The following CNBD1 variants were observed in gnomAD, a reference collection of about 807,000 sequenced individuals.
The protein encoded by CNBD1 is cyclic nucleotide-binding domain-containing protein 1.
CNBD1 carries 71 observed loss-of-function variants against 54.4 expected under a neutral mutation model. The observed-to-expected ratio is 1.30, with a 90% CI of 1.08 to 1.59. CNBD1 has a LOEUF of 1.59. Ranked by LOEUF, CNBD1 falls within the 40% of genes most tolerant of loss-of-function variation. CNBD1 has a pLI of 0.00. For synonymous variants in CNBD1, 182 were observed against 170.7 expected (o/e 1.07, Z -0.51); for missense variants, 659 against 518.0 (o/e 1.27, Z -2.64).
chr8:87,010,171 A>T (rs958466283), intron 4 of CNBD1, among the ~76,000 whole-genome samples: 3 of 152,196 alleles, frequency 2.0e-5, no homozygotes, highest in African/African-American at 7.2e-5. Flanking sequence ...TTTGGGGAAG[A>T]AAACCAGACA....
intron 7 of CNBD1, among the ~76,000 whole-genome samples, chr8:87,285,292 G>T (rs1237396463): frequency 6.6e-6 from 1 of 152,178 alleles, no homozygotes; most frequent in African/African-American, 2.4e-5. Flanking sequence ...GCATGAATAA[G>T]TGATAACAAC....
intron 2 of CNBD1, among the ~76,000 whole-genome samples, chr8:87,409,847 A>G (rs1224984437): frequency 6.6e-6 from 1 of 151,872 alleles, no homozygotes; most frequent in Non-Finnish European, 1.5e-5. Flanking sequence ...ACACAGTGAA[A>G]CCCCATCTCT....
intron 6 of CNBD1, among the ~76,000 whole-genome samples, chr8:87,252,811 C>G (rs1215783478): frequency 6.6e-6 from 1 of 151,970 alleles, no homozygotes; most frequent in Admixed American, 6.6e-5. Flanking sequence ...ATTACAGGGA[C>G]AGATGCTACA....
intron 4 of CNBD1, among the ~76,000 whole-genome samples, chr8:87,018,949 A>AC (rs1280894286): frequency 1.3e-5 from 2 of 152,154 alleles, no homozygotes; most frequent in African/African-American, 4.8e-5. Flanking sequence ...TTTTGCATCC[A>AC]CCCCAACCAT....
chr8:87,159,033 G>T (rs1317251475), intron 4 of CNBD1, among the ~76,000 whole-genome samples: 3 of 152,076 alleles, frequency 2.0e-5, no homozygotes, highest in Non-Finnish European at 4.4e-5. Flanking sequence ...TTTTTTGTAA[G>T]ATCTAAGTAA....
intron 4 of CNBD1, among the ~76,000 whole-genome samples, chr8:86,963,764 T>G (rs979344846): frequency 6.6e-6 from 1 of 152,072 alleles, no homozygotes; most frequent in African/African-American, 2.4e-5. Context: ...AGGTCCAACC[T>G]CCTTTCCTTG....
rs1452091384 is a variant in CNBD1, at chr8:87,182,799, T to C, written c.432-23194T>C. On this transcript the variant is annotated intron_variant, in intron 4 of 10. Coordinates refer to ENST00000518476, the MANE Select transcript of CNBD1 (RefSeq NM_173538.3). This position sits in a 1 kb window ranked among gnomAD's most constrained non-coding sequence, Gnocchi z 4.1. Reference sequence around the variant, plus strand: ...TAATAGTTTCTGGATATTAGAACTTTGTCTGAAGCATAGTTTGCAAGTATT... The same window carrying C: ...TAATAGTTTCTGGATATTAGAACTTCGTCTGAAGCATAGTTTGCAAGTATT... Among the ~76,000 whole-genome samples, 1 of 152,210 alleles carries C rather than the reference T, an allele frequency of 6.6e-6. No individual in the cohort carries two copies. Among genetic ancestry groups the C allele is most frequent in the Non-Finnish European group, 1.5e-5 (1 of 68,026 alleles).
intron 4 of CNBD1, among the ~76,000 whole-genome samples, chr8:87,049,098 T>G (rs1319207584): frequency 1.3e-5 from 2 of 152,224 alleles, no homozygotes; most frequent in African/African-American, 4.8e-5. Context: ...ACTTCTCTTA[T>G]GGAGCCCTCC....
intron 8 of CNBD1, among the ~76,000 whole-genome samples, chr8:87,345,752 C>A (rs193172227): frequency 6.6e-6 from 1 of 151,900 alleles, no homozygotes; most frequent in African/African-American, 2.4e-5. Context: ...ATTGGAATAT[C>A]AAAAACATAA....
intron 4 of CNBD1, among the ~76,000 whole-genome samples, chr8:87,087,277 A>G (rs143780258): frequency 0.018 from 2,542 of 144,826 alleles, 89 homozygotes; most frequent in African/African-American, 0.062. Flanking sequence ...ATATATACGT[A>G]TATATATATA....
At chr8:87,239,400 C>T (rs919225909) in intron 6 of CNBD1, among the ~76,000 whole-genome samples, 1 of 151,950 alleles carries the variant, frequency 6.6e-6, no homozygotes, top group Non-Finnish European at 1.5e-5. Flanking sequence ...CTTAGTGGGC[C>T]TTTTTCAAAT....
chr8:87,393,405 C>A (rs1283442898), intron 2 of CNBD1, among the ~76,000 whole-genome samples: 1 of 151,850 alleles, frequency 6.6e-6, no homozygotes, highest in African/African-American at 2.4e-5. Context: ...AAATAAAGAT[C>A]AGGATTTGAA....
chr8:86,906,073 A>G (rs1343899974), intron 3 of CNBD1, among the ~76,000 whole-genome samples: 1 of 152,144 alleles, frequency 6.6e-6, no homozygotes, highest in African/African-American at 2.4e-5. Flanking sequence ...TAGCAGAGGG[A>G]CTGACCTGTA....
chr8:86,961,198 C>T (rs977735465), intron 4 of CNBD1, among the ~76,000 whole-genome samples: 1 of 152,128 alleles, frequency 6.6e-6, no homozygotes. Flanking sequence ...GCTTGGAACC[C>T]TAGCCATAAG....
chr8:87,108,817 C>T (rs988970617), intron 4 of CNBD1, among the ~76,000 whole-genome samples: 28 of 152,084 alleles, frequency 1.8e-4, no homozygotes, highest in Middle Eastern at 3.2e-3. Flanking sequence ...TTATAACTCA[C>T]CTCGGTTTAT....
intron 8 of CNBD1, among the ~76,000 whole-genome samples, chr8:87,334,724 C>CTTTTTTTTTTTT (rs1227796537): frequency 8.8e-6 from 1 of 113,242 alleles, no homozygotes; most frequent in Admixed American, 8.5e-5. Context: ...TTTTTCTTTT[C>CTTTTTTTTTTTT]TTTTTTTTTT....
intron 4 of CNBD1, among the ~76,000 whole-genome samples, chr8:86,984,464 A>G (rs1372676368): frequency 6.6e-6 from 1 of 152,148 alleles, no homozygotes; most frequent in African/African-American, 2.4e-5. Context: ...AGGTAGATCC[A>G]CCAACATCTT....
At chr8:87,399,450 T>C (rs979566221) in intron 2 of CNBD1, among the ~76,000 whole-genome samples, 1 of 152,020 alleles carries the variant, frequency 6.6e-6, no homozygotes, top group East Asian at 1.9e-4. Flanking sequence ...GGTAAACTTG[T>C]CTGAAATAAA....
intron 6 of CNBD1, among the ~76,000 whole-genome samples, chr8:87,256,012 T>TATATATATAC (rs1808013895): frequency 1.0e-4 from 2 of 19,828 alleles, no homozygotes; most frequent in Non-Finnish European, 1.6e-4. Context: ...TATATATATA[T>TATATATATAC]ATATTTTTTT....
Sources: gnomAD v4.1 joint callset for allele counts (sites outside exome capture counted in the v4.1 genomes callset) on GRCh38, gnomAD v4.1.1 for gene constraint, Gnocchi (gnomAD v3.1) non-coding constraint, MANE v1.5 for transcripts, NCBI Gene and HGNC (gene_info 2026-07-23, HGNC 2026-07-21) for gene names.